The following ANKIB1 variants were observed in gnomAD, a reference collection of about 807,000 sequenced individuals.
ANKIB1 encodes ankyrin repeat and IBR domain-containing protein 1.
A neutral mutation model predicts 122.1 loss-of-function variants in ANKIB1; 43 were observed. That is an observed-to-expected ratio of 0.35 (90% CI 0.28 to 0.45). The LOEUF (loss-of-function observed/expected upper bound fraction) is 0.45, where lower values mean the gene tolerates loss of function less well. Among genes scored for constraint, ANKIB1 ranks in the 20% least tolerant of loss-of-function variants. The pLI is 1.00. For missense variants in ANKIB1, 992 were observed against 1,329.5 expected, an observed-to-expected ratio of 0.75 and a Z score of 3.95; for synonymous variants, 390 against 442.0, an observed-to-expected ratio of 0.88 and a Z score of 1.48.
intron 4 of ANKIB1, chr7:92,325,981 G>GT (rs1803020498): frequency 2.2e-6 from 1 of 446,542 alleles, no homozygotes; most frequent in Admixed American, 2.5e-5. Flanking sequence ...AATGGAAGCA[G>GT]TTTATCTTTG....
rs147788327 is a variant in ANKIB1, at chr7:92,332,009, C to T, written c.787+4109C>T. 1.9e-3 allele frequency among the ~76,000 whole-genome samples: 286 copies of T among 152,258 alleles called. 1 individual carries two copies. The highest frequency in any genetic ancestry group is 6.5e-3 in the African/African-American group (270 of 41,538). The stretch of plus-strand genomic sequence containing the variant: ...TTAAATATTATTAAATGATCAACTC[C>T]GTTTTTACTCCATTGATATTTCCCT... On this transcript the variant is annotated intron_variant, in intron 5 of 19. Transcript: ENST00000265742.
intron 5 of ANKIB1, 46 bp from the exon 6 acceptor site, chr7:92,342,978 A>G: frequency 6.5e-7 from 1 of 1,537,162 alleles, no homozygotes; most frequent in Non-Finnish European, 9.0e-7. Context: ...TTATAACATT[A>G]CCATATTTTC....
intron 5 of ANKIB1, among the ~76,000 whole-genome samples, chr7:92,332,431 A>G (rs1433168204): frequency 6.6e-6 from 1 of 152,210 alleles, no homozygotes; most frequent in Admixed American, 6.5e-5. Flanking sequence ...TATAATCCCA[A>G]GGTAATGAAG....
chr7:92,279,954 G>A (rs1390951677), intron 1 of ANKIB1, among the ~76,000 whole-genome samples: 1 of 152,098 alleles, frequency 6.6e-6, no homozygotes, highest in Non-Finnish European at 1.5e-5. Context: ...TTTTACAAGA[G>A]CTCATTAGTA....
In ANKIB1 at chr7:92,399,738, A is replaced by G. The variant is rs1480924527; in HGVS notation, c.*789A>G. On this transcript the variant is annotated 3_prime_UTR_variant, in exon 20 of 20. Transcript: ENST00000265742. ...TTATATAAATGTAGCCTGTAGCTTA[A>G]GTTAACTAAACCTAATGCTGCTGTT... 4 of 152,204 alleles carry G rather than the reference A, an allele frequency of 2.6e-5. No homozygotes were observed. Among genetic ancestry groups the G allele is most frequent in the South Asian group, 2.1e-4 (1 of 4,832 alleles). 9.4% of individuals were successfully genotyped at this position (152,204 alleles called of 1,614,324 possible).
intron 7 of ANKIB1, among the ~76,000 whole-genome samples, chr7:92,346,005 A>C (rs986551364): frequency 1.2e-4 from 19 of 152,144 alleles, no homozygotes; most frequent in African/African-American, 4.3e-4. Context: ...AACCATCACC[A>C]CAACCCTTAG....
chr7:92,281,946 C>T (rs1348218602), intron 1 of ANKIB1, among the ~76,000 whole-genome samples: 2 of 152,114 alleles, frequency 1.3e-5, no homozygotes, highest in East Asian at 3.8e-4. Flanking sequence ...AAAGTGTAAA[C>T]ATAGAATTCA....
At chr7:92,344,138 A>C (rs1186511810) in intron 6 of ANKIB1, among the ~76,000 whole-genome samples, 1 of 151,920 alleles carries the variant, frequency 6.6e-6, no homozygotes, top group Non-Finnish European at 1.5e-5. Context: ...TTTGCTATTA[A>C]AATGGCATAG....
intron 7 of ANKIB1, 55 bp from the exon 8 acceptor site, chr7:92,350,895 G>A (rs780846716): frequency 6.8e-7 from 1 of 1,479,796 alleles, no homozygotes; most frequent in Non-Finnish European, 9.0e-7. Context: ...TTCTTAGAAT[G>A]TATGCACAAC....
intron 18 of ANKIB1, among the ~76,000 whole-genome samples, chr7:92,396,960 T>C (rs944873959): frequency 6.6e-6 from 1 of 152,204 alleles, no homozygotes; most frequent in Non-Finnish European, 1.5e-5. Context: ...AGAGATAAAT[T>C]ATTTTAATTA....
intron 3 of ANKIB1, among the ~76,000 whole-genome samples, chr7:92,312,136 G>A (rs528904789): frequency 1.3e-5 from 2 of 151,964 alleles, no homozygotes; most frequent in South Asian, 4.2e-4. Flanking sequence ...TGTCTCTTTG[G>A]ACCAGTTCCT....
chr7:92,288,750 A>G (rs1354570646), intron 1 of ANKIB1, among the ~76,000 whole-genome samples: 1 of 152,242 alleles, frequency 6.6e-6, no homozygotes, highest in Non-Finnish European at 1.5e-5. Context: ...ATGGCAAATA[A>G]GCATGAAAGC....
At chr7:92,281,395 G>C (rs1802009775) in intron 1 of ANKIB1, among the ~76,000 whole-genome samples, 1 of 152,124 alleles carries the variant, frequency 6.6e-6, no homozygotes, top group African/African-American at 2.4e-5. Flanking sequence ...GAACCCTCCT[G>C]AAATCCAAGT....
At chr7:92,388,785 T>C (rs1249378866) in intron 14 of ANKIB1, among the ~76,000 whole-genome samples, 1 of 152,174 alleles carries the variant, frequency 6.6e-6, no homozygotes, top group African/African-American at 2.4e-5. Context: ...TTAAAATCCT[T>C]TTCATTAGGA....
At chr7:92,314,192 G>A (rs908300855) in intron 3 of ANKIB1, among the ~76,000 whole-genome samples, 1 of 151,974 alleles carries the variant, frequency 6.6e-6, no homozygotes, top group African/African-American at 2.4e-5. Context: ...CAGCTACTCA[G>A]GAGGCTGAGG....
chr7:92,292,294 G>A (rs758874726), intron 1 of ANKIB1, among the ~76,000 whole-genome samples: 40 of 152,244 alleles, frequency 2.6e-4, no homozygotes, highest in Admixed American at 5.2e-4. Context: ...ATAACTGAAA[G>A]CCACAAAATG....
Position 92,307,275 on chromosome 7 carries a change from T to G in ANKIB1, c.189-84T>G, listed in dbSNP as rs1023094132. The G allele has an allele frequency of 2.2e-6, 3 of 1,351,452 alleles. No individual in the cohort carries two copies. The Admixed American group carries it at 7.7e-5, about 35-fold the overall frequency. The allele number at this position is 1,351,452 out of a possible 1,614,324, so 83.7% of individuals were successfully genotyped here. On this transcript the variant is annotated intron_variant, in intron 2 of 19. Transcript: ENST00000265742. Reference sequence around the variant, plus strand: ...TATCAGCTTAGAAGTAGAGTTTATCTTTTAAAAGTGTTATCTTCAATGTAT... The same window carrying G: ...TATCAGCTTAGAAGTAGAGTTTATCGTTTAAAAGTGTTATCTTCAATGTAT...
chr7:92,395,524 A>C (rs185607347), intron 17 of ANKIB1, among the ~76,000 whole-genome samples: 42 of 146,110 alleles, frequency 2.9e-4, no homozygotes, highest in African/African-American at 9.0e-4. Context: ...TTTCTGTTAC[A>C]TATATCCCAG....
intron 9 of ANKIB1, among the ~76,000 whole-genome samples, chr7:92,355,526 G>A (rs1034439042): frequency 2.6e-5 from 4 of 151,974 alleles, no homozygotes; most frequent in African/African-American, 4.8e-5. Flanking sequence ...TATTTTATTC[G>A]CTGAAATTGA....
Sources: allele counts gnomAD v4.1 joint callset (sites outside exome capture counted in the v4.1 genomes callset), GRCh38; gene constraint gnomAD v4.1.1; transcripts MANE v1.5; gene names NCBI Gene and HGNC (gene_info 2026-07-23, HGNC 2026-07-21).